Variants in COG5 observed in about 807,000 individuals in gnomAD.
COG5 encodes the protein component of oligomeric golgi complex 5, also known as conserved oligomeric Golgi complex subunit 5.
Under a neutral mutation model 110.4 loss-of-function variants are expected in COG5, and 86 were observed. The ratio of observed to expected loss-of-function variants is 0.78; its 90% confidence interval spans 0.65 to 0.93. The LOEUF (loss-of-function observed/expected upper bound fraction) is 0.93. Ranked by LOEUF, COG5 falls within the 40% of genes least tolerant of loss-of-function variation. COG5 has a pLI of 0.00. For synonymous variants in COG5, 360 were observed against 334.6 expected (o/e 1.08, Z -0.83); for missense variants, 1,077 against 987.0 (o/e 1.09, Z -1.22).
rs1464730488 is a variant in COG5, at chr7:107,210,175, G to A, written c.2375+351C>T. On this transcript the variant is annotated intron_variant, in intron 21 of 21. Coordinates refer to ENST00000297135, the MANE Select transcript of COG5 (RefSeq NM_006348.5). The stretch of plus-strand genomic sequence containing the variant: ...CTCACATCTGTGTTCCACCAATTCA[G>A]TAACTGCAGCACATAAAAATGAAGT... The A allele has an allele frequency of 1.2e-5, 14 of 1,122,090 alleles. No individual in the cohort carries two copies. The South Asian group carries it at 3.7e-4, about 30-fold the overall frequency. 69.5% of individuals were successfully genotyped at this position (1,122,090 alleles called of 1,614,324 possible). A position where few individuals can be genotyped will look rare whatever the true frequency, so the allele number is the denominator to read the frequency against.
intron 19 of COG5, among the ~76,000 whole-genome samples, chr7:107,216,225 C>T (rs1229027499): frequency 6.6e-6 from 1 of 152,126 alleles, no homozygotes; most frequent in Non-Finnish European, 1.5e-5. Context: ...TATCTGTACC[C>T]AACATCAGAG....
chr7:107,368,835 T>A (rs540162333), intron 8 of COG5, among the ~76,000 whole-genome samples: 2 of 152,194 alleles, frequency 1.3e-5, no homozygotes, highest in African/African-American at 4.8e-5. Flanking sequence ...AAAAAGCATA[T>A]AGAATAATGT....
chr7:107,448,428 T>C (rs1215327194), intron 6 of COG5, among the ~76,000 whole-genome samples: 1 of 152,160 alleles, frequency 6.6e-6, no homozygotes, highest in Non-Finnish European at 1.5e-5. Context: ...ATTTCATCCT[T>C]AAAACACCAT....
intron 6 of COG5, among the ~76,000 whole-genome samples, chr7:107,426,135 G>A (rs1011840515): frequency 6.6e-6 from 1 of 152,118 alleles, no homozygotes; most frequent in Non-Finnish European, 1.5e-5. Context: ...CTCCAGAATT[G>A]TAAGACAACA....
Position 107,474,618 on chromosome 7 carries a change from T to A in COG5, c.538+52619A>T. The stretch of plus-strand genomic sequence containing the variant: ...AGGTAAATTTTTTCAGTCTTCAAAG[T>A]GGAAATACCTGGGAAAACAAGACAC... On this transcript the variant is annotated intron_variant, in intron 6 of 21. Coordinates refer to ENST00000297135, the MANE Select transcript of COG5 (RefSeq NM_006348.5). This position sits in a 1 kb window ranked among gnomAD's most constrained non-coding sequence, Gnocchi z 5.7. The A allele has an allele frequency of 6.2e-7, 1 of 1,610,838 alleles. No homozygotes were observed. Among genetic ancestry groups the A allele is most frequent in the Non-Finnish European group, 8.5e-7 (1 of 1,178,266 alleles).
chr7:107,256,764 C>T lies in COG5; in HGVS notation c.1717G>A (p.Ala573Thr), dbSNP rs1448431490. The T allele has an allele frequency of 5.6e-6, 9 of 1,610,984 alleles. No homozygotes were observed. In the South Asian group the frequency reaches 8.8e-5, roughly 16 times the overall value. ...VVSSQSSFPL[A>T]AEQTIISALK... ...GCTGAAATTATAGTTTGCTCAGCTG[C>T]CAGTGGGAATGAGCTCTGACTGGAA... The change falls in exon 16 of 22, where the codon GCA (alanine) becomes ACA (threonine). Residue 573 changes from alanine to threonine, a missense_variant. Physicochemically the swap from Ala to Thr is moderately conservative, Grantham distance 58. Coordinates refer to ENST00000297135, the MANE Select transcript of COG5 (RefSeq NM_006348.5).
At chr7:107,397,639 T>A (rs959586940) in intron 7 of COG5, among the ~76,000 whole-genome samples, 1 of 152,244 alleles carries the variant, frequency 6.6e-6, no homozygotes, top group Non-Finnish European at 1.5e-5. Flanking sequence ...GTAATGACAG[T>A]GAAATTTCTA....
At chr7:107,483,170 A>G (rs908685323) in intron 6 of COG5, among the ~76,000 whole-genome samples, 3 of 152,190 alleles carry the variant, frequency 2.0e-5, no homozygotes, top group African/African-American at 7.2e-5. Flanking sequence ...ATTCTGTATT[A>G]TAATAGTTTA....
chr7:107,363,582 GA>G lies in COG5; in HGVS notation c.836-1163del, dbSNP rs954339677. On this transcript the variant is annotated intron_variant, in intron 8 of 21. Transcript: ENST00000297135. ...AAATGCAGAAAGAATGACAGAATTAGAAAAAAAAATCACCATTTTACAACTA... is the reference window on the plus strand; with the variant it reads ...AAATGCAGAAAGAATGACAGAATTAGAAAAAAAATCACCATTTTACAACTA... Among the ~76,000 whole-genome samples the G allele has an allele frequency of 1.3e-4, 19 of 150,246 alleles. 1 individual carries two copies. The highest frequency in any genetic ancestry group is 3.7e-4 in the African/African-American group (15 of 40,918).
chr7:107,289,433 A>T (rs1292771448), intron 12 of COG5, among the ~76,000 whole-genome samples: 1 of 150,994 alleles, frequency 6.6e-6, no homozygotes, highest in Non-Finnish European at 1.5e-5. Context: ...GCCCTCCTAC[A>T]CTCTTTTTCT....
chr7:107,201,521 C>A lies in COG5; in HGVS notation c.*1995G>T. On this transcript the variant is annotated 3_prime_UTR_variant, in exon 22 of 22. Coordinates refer to ENST00000297135, the MANE Select transcript of COG5 (RefSeq NM_006348.5). ...AGAAGATCAAGGTCTCACCATTTGT[C>A]CTCAATTCGTGTGACCATAAGATAC... The A allele has an allele frequency of 1.3e-6, 1 of 744,808 alleles. No individual in the cohort carries two copies. Among genetic ancestry groups the A allele is most frequent in the Non-Finnish European group, 2.3e-6 (1 of 431,776 alleles). 46.1% of individuals were successfully genotyped at this position (744,808 alleles called of 1,614,324 possible). A position where few individuals can be genotyped will look rare whatever the true frequency, so the allele number is the denominator to read the frequency against.
chr7:107,259,240 T>G (rs2107317), intron 14 of COG5, among the ~76,000 whole-genome samples: 1 of 152,154 alleles, frequency 6.6e-6, no homozygotes, highest in East Asian at 1.9e-4. Context: ...GATCAGGACA[T>G]AGAAAGTATA....
chr7:107,519,879 G>A (rs186561323), intron 6 of COG5, among the ~76,000 whole-genome samples: 9 of 152,236 alleles, frequency 5.9e-5, no homozygotes, highest in Admixed American at 3.9e-4. Flanking sequence ...GATGAACATC[G>A]ATGTGAAAAT....
Position 107,525,936 on chromosome 7 carries a change from T to A in COG5, c.538+1301A>T, listed in dbSNP as rs188680535. Among the ~76,000 whole-genome samples the A allele has an allele frequency of 2.0e-5, 3 of 152,306 alleles. No individual in the cohort carries two copies. The East Asian group carries it at 5.8e-4, about 29-fold the overall frequency. On this transcript the variant is annotated intron_variant, in intron 6 of 21. Transcript: ENST00000297135. The stretch of plus-strand genomic sequence containing the variant: ...TTTCCAAGCCTACTAAATCACAAGT[T>A]AGAGATATTCCCAATGATTTTCCTA...
intron 12 of COG5, among the ~76,000 whole-genome samples, chr7:107,285,253 T>C (rs576288296): frequency 1.3e-5 from 2 of 152,278 alleles, no homozygotes; most frequent in East Asian, 1.9e-4. Context: ...TGAAAGAACT[T>C]AGTATCTAAA....
At chr7:107,218,548 C>A (rs1374787466) in intron 19 of COG5, among the ~76,000 whole-genome samples, 2 of 152,066 alleles carry the variant, frequency 1.3e-5, no homozygotes, top group East Asian at 3.8e-4. Context: ...AATGAACCCA[C>A]ACATTTACAG....
chr7:107,362,232 T>C (rs1813182380), intron 9 of COG5, 76 bp downstream of exon 9: 2 of 1,404,288 alleles, frequency 1.4e-6, no homozygotes, highest in Non-Finnish European at 2.0e-6. Flanking sequence ...TTAAAAAACC[T>C]GCCCAAGGTC....
intron 9 of COG5, 39 bp downstream of exon 9, chr7:107,362,269 A>G: frequency 6.7e-7 from 1 of 1,496,498 alleles, no homozygotes; most frequent in Non-Finnish European, 9.3e-7. Context: ...CCAGGAGTTA[A>G]TCCATATTAA....
chr7:107,533,569 A>G (rs555097602), intron 5 of COG5, among the ~76,000 whole-genome samples: 1 of 151,814 alleles, frequency 6.6e-6, no homozygotes, highest in South Asian at 2.1e-4. Flanking sequence ...GATATCAGAG[A>G]CTGACGATCA....
Sources: gnomAD v4.1 joint callset for allele counts (sites outside exome capture counted in the v4.1 genomes callset) on GRCh38, gnomAD v4.1.1 for gene constraint, Gnocchi (gnomAD v3.1) non-coding constraint, MANE v1.5 for transcripts, NCBI Gene and HGNC (gene_info 2026-07-23, HGNC 2026-07-21) for gene names.